The following IQGAP2 variants were observed in gnomAD, a reference collection of about 807,000 sequenced individuals.
IQGAP2 encodes ras GTPase-activating-like protein IQGAP2.
In IQGAP2, 173 loss-of-function variants were observed where a neutral mutation model predicts 201.3. That is an observed-to-expected ratio of 0.86 (90% CI 0.76 to 0.98). The LOEUF is 0.98. Ranked by LOEUF, IQGAP2 falls within the 50% of genes least tolerant of loss-of-function variation. The pLI is 0.00. For missense variants in IQGAP2, 1,687 were observed against 1,864.8 expected, an observed-to-expected ratio of 0.90 and a Z score of 1.76; for synonymous variants, 675 against 673.9, an observed-to-expected ratio of 1.00 and a Z score of -0.03.
At chr5:76,609,282 T>C in intron 12 of IQGAP2, 1 of 1,503,648 alleles carries the variant, frequency 6.7e-7, no homozygotes, top group South Asian at 1.2e-5. Flanking sequence ...GCACTAAATA[T>C]TCCATGCACT....
intron 1 of IQGAP2, among the ~76,000 whole-genome samples, chr5:76,434,764 C>T (rs1382259922): frequency 1.3e-5 from 2 of 152,096 alleles, no homozygotes; most frequent in African/African-American, 4.8e-5. Flanking sequence ...ACTTTTAGTT[C>T]TTTAAGAAAT....
At chr5:76,589,572 A>G in intron 6 of IQGAP2, 43 bp from the exon 7 acceptor site, 1 of 1,113,036 alleles carries the variant, frequency 9.0e-7, no homozygotes. Flanking sequence ...CTCTGTCTGT[A>G]GCTTTCTCTG....
intron 2 of IQGAP2, among the ~76,000 whole-genome samples, chr5:76,523,422 T>C (rs1233744060): frequency 6.6e-6 from 1 of 152,280 alleles, no homozygotes; most frequent in East Asian, 1.9e-4. Context: ...TATTGAACTG[T>C]ATGCTGTGTT....
At chr5:76,531,568 A>T (rs764123087) in intron 2 of IQGAP2, among the ~76,000 whole-genome samples, 6 of 152,182 alleles carry the variant, frequency 3.9e-5, no homozygotes, top group Non-Finnish European at 8.8e-5. Context: ...GCACCTCCCA[A>T]CACTGCTGCA....
chr5:76,475,188 C>T (rs1367430878), intron 2 of IQGAP2, among the ~76,000 whole-genome samples: 5 of 152,266 alleles, frequency 3.3e-5, no homozygotes, highest in African/African-American at 1.2e-4. Context: ...TACTAAGAGT[C>T]ACCATCTGCT....
intron 1 of IQGAP2, among the ~76,000 whole-genome samples, chr5:76,452,006 C>T (rs1753783679): frequency 6.6e-6 from 1 of 152,038 alleles, no homozygotes; most frequent in Admixed American, 6.6e-5. Context: ...CACTGCATTC[C>T]AGCCTGGGCA....
At position 76,681,608 on chromosome 5, in the gene IQGAP2, T is replaced by A. The variant is rs377579937; in HGVS notation, c.3661-1507T>A. Among the ~76,000 whole-genome samples the A allele has an allele frequency of 8.6e-5, 13 of 151,192 alleles. No homozygotes were observed. The East Asian group carries it at 2.5e-3, about 29-fold the overall frequency. Reference sequence around the variant, plus strand: ...AACCCTTGCACCCCGTTGGTGGGAATGTAAAATGGTGCAGCTGCTATGGAA... The same window carrying A: ...AACCCTTGCACCCCGTTGGTGGGAAAGTAAAATGGTGCAGCTGCTATGGAA... On this transcript the variant is annotated intron_variant, in intron 28 of 35. Transcript: ENST00000274364.
intron 2 of IQGAP2, among the ~76,000 whole-genome samples, chr5:76,465,024 C>G (rs903258949): frequency 1.3e-5 from 2 of 152,188 alleles, no homozygotes. Flanking sequence ...TCCTTGCAAA[C>G]TCTTCCAAAA....
At position 76,702,582 on chromosome 5, in the gene IQGAP2, A is replaced by G. The variant is rs762098638; in HGVS notation, c.4606A>G (p.Asn1536Asp). Residue 1536 changes from asparagine to aspartate, a missense_variant, in exon 35 of 36, where the codon AAT becomes GAT. Coordinates refer to ENST00000274364, the MANE Select transcript of IQGAP2 (RefSeq NM_006633.5). ...TGTTGAGATGGAAAAGGTGCAACTC[A>G]ATATTCAGGTAAGCTGCTGGAATTT... ...LGVEMEKVQL[N>D]IQDLLQMQYE... 5.3e-6 allele frequency: 8 copies of G among 1,498,570 alleles called. No individual in the cohort carries two copies. The highest frequency in any genetic ancestry group is 6.5e-6 in the Non-Finnish European group (7 of 1,075,340). 92.8% of individuals were successfully genotyped at this position (1,498,570 alleles called of 1,614,324 possible).
At chr5:76,554,559 A>C (rs2150241320) in intron 2 of IQGAP2, among the ~76,000 whole-genome samples, 1 of 152,360 alleles carries the variant, frequency 6.6e-6, no homozygotes, top group South Asian at 2.1e-4. Flanking sequence ...GCATATAAAA[A>C]GAAGCTGAAT....
chr5:76,451,382 G>A (rs756041928), intron 1 of IQGAP2, among the ~76,000 whole-genome samples: 4 of 151,948 alleles, frequency 2.6e-5, no homozygotes, highest in Non-Finnish European at 5.9e-5. Context: ...CAGCCTTCTC[G>A]TCACTGTCCA....
intron 25 of IQGAP2, 43 bp downstream of exon 25, chr5:76,673,632 G>T: frequency 6.3e-7 from 1 of 1,599,850 alleles, no homozygotes; most frequent in Non-Finnish European, 8.6e-7. Context: ...TTCCTGGAAC[G>T]TTCTTGGAAT....
rs182379393 is a variant in IQGAP2 at position 76,585,700 on chromosome 5, G to C, written c.459-3206G>C. The stretch of plus-strand genomic sequence containing the variant: ...CAGCTAATTTTGTATTTTTAGTAGA[G>C]ACAGGGTTTCTCCATGTTGGTCAGG... On this transcript the variant is annotated intron_variant, in intron 5 of 35. Coordinates refer to ENST00000274364, the MANE Select transcript of IQGAP2 (RefSeq NM_006633.5). 3.2e-4 allele frequency among the ~76,000 whole-genome samples: 49 copies of C among 152,050 alleles called. 1 individual carries two copies. The highest frequency in any genetic ancestry group is 3.1e-3 in the Admixed American group (47 of 15,268).
intron 2 of IQGAP2, among the ~76,000 whole-genome samples, chr5:76,549,480 TGAAGA>T (rs1213694022): frequency 6.6e-6 from 1 of 151,844 alleles, no homozygotes; most frequent in Non-Finnish European, 1.5e-5. Flanking sequence ...ATAAATGCAG[TGAAGA>T]GAAAATTGGG....
intron 2 of IQGAP2, among the ~76,000 whole-genome samples, chr5:76,496,721 TTTCTTTTCTTTCTTTCTTTC>T (rs1428742386): frequency 0.014 from 266 of 19,604 alleles, 11 homozygotes; most frequent in African/African-American, 0.049. Context: ...TCTTTCTTTC[TTTCTTTTCTTTCTTTCTTTC>T]TTTCTTTCTT....
At chr5:76,621,743 G>C (rs2150364201) in intron 13 of IQGAP2, among the ~76,000 whole-genome samples, 1 of 152,232 alleles carries the variant, frequency 6.6e-6, no homozygotes, top group Non-Finnish European at 1.5e-5. Context: ...TTATTCCTCA[G>C]AGCCTGGTTT....
chr5:76,577,574 A>G (rs981769434), intron 5 of IQGAP2, among the ~76,000 whole-genome samples: 2 of 152,158 alleles, frequency 1.3e-5, no homozygotes, highest in African/African-American at 4.8e-5. Flanking sequence ...GTTCTAAATT[A>G]TTGTATAGCT....
At chr5:76,702,751 T>G (rs1024194541) in intron 35 of IQGAP2, among the ~76,000 whole-genome samples, 161 bp downstream of exon 35, 1 of 135,756 alleles carries the variant, frequency 7.4e-6, no homozygotes, top group Admixed American at 7.4e-5. Flanking sequence ...TTTTAAGAGC[T>G]GTGACTTTTC....
intron 1 of IQGAP2, among the ~76,000 whole-genome samples, chr5:76,413,358 G>A (rs1294870779): frequency 6.6e-6 from 1 of 151,680 alleles, no homozygotes; most frequent in African/African-American, 2.4e-5. Flanking sequence ...TAGTAGAGAT[G>A]GGGTTTCACC....
Sources: gnomAD v4.1 joint callset for allele counts (sites outside exome capture counted in the v4.1 genomes callset) on GRCh38, gnomAD v4.1.1 for gene constraint, MANE v1.5 for transcripts, NCBI Gene and HGNC (gene_info 2026-07-23, HGNC 2026-07-21) for gene names.